The following SEC23A variants were observed in gnomAD, a reference collection of about 807,000 sequenced individuals.
SEC23A encodes SEC23 homolog A, COPII component.
A neutral mutation model predicts 103.7 loss-of-function variants in SEC23A; 56 were observed. That is an observed-to-expected ratio of 0.54 (90% CI 0.44 to 0.67). The LOEUF (loss-of-function observed/expected upper bound fraction) is 0.67, where lower values mean the gene tolerates loss of function less well. Among genes scored for constraint, SEC23A ranks in the 30% least tolerant of loss-of-function variants. The probability of loss-of-function intolerance (pLI) is 0.00; values close to 1 mark genes in which losing one functional copy is unlikely to be tolerated. For synonymous variants in SEC23A, 281 were observed against 293.0 expected (o/e 0.96, Z 0.42); for missense variants, 784 against 936.4 (o/e 0.84, Z 2.12).
At chr14:39,101,483 T>C (rs914255893) in intron 1 of SEC23A, among the ~76,000 whole-genome samples, 1 of 151,900 alleles carries the variant, frequency 6.6e-6, no homozygotes, top group Non-Finnish European at 1.5e-5. Flanking sequence ...CCAGGCATGG[T>C]GGCGGTCGCC....
chr14:39,077,574 T>TAGAGAG (rs900437666), intron 7 of SEC23A, among the ~76,000 whole-genome samples: 1 of 147,138 alleles, frequency 6.8e-6, no homozygotes, highest in African/African-American at 2.5e-5. Context: ...GAGACAAAGA[T>TAGAGAG]AGAGAGAGAG....
chr14:39,059,541 A>G (rs1886397063), intron 13 of SEC23A, among the ~76,000 whole-genome samples: 1 of 152,166 alleles, frequency 6.6e-6, no homozygotes, highest in South Asian at 2.1e-4. Context: ...CATTTTAAAA[A>G]TATTTCAAAC....
chr14:39,094,053 G>A (rs1292838901), intron 2 of SEC23A, among the ~76,000 whole-genome samples: 1 of 151,152 alleles, frequency 6.6e-6, no homozygotes, highest in African/African-American at 2.4e-5. Flanking sequence ...ACAGGGTCTC[G>A]TTCTATTGCC....
rs1566515087 is a variant in SEC23A, at chr14:39,094,424, ATATATATATATATATATATTTT to A, written c.222-1202_222-1181del. Among the ~76,000 whole-genome samples, 4 of 58,596 alleles carry A rather than the reference ATATATATATATATATATATTTT, an allele frequency of 6.8e-5. 1 individual carries two copies. The highest frequency in any genetic ancestry group is 5.1e-4 in the African/African-American group (4 of 7,850). The allele number at this position is 58,596 out of a possible 152,430, so 38.4% of individuals were successfully genotyped here. ...TATATATATATATATATATATATAT[ATATATATATATATATATATTTT>A]TTTTTTTTTTTTTTCCCCTCCTGTA... is the stretch of plus-strand genomic sequence containing the variant. On this transcript the variant is annotated intron_variant, in intron 2 of 19. Coordinates refer to ENST00000307712, the MANE Select transcript of SEC23A (RefSeq NM_006364.4).
At chr14:39,089,206 T>C (rs1887575179) in intron 5 of SEC23A, among the ~76,000 whole-genome samples, 1 of 151,454 alleles carries the variant, frequency 6.6e-6, no homozygotes, top group Non-Finnish European at 1.5e-5. Flanking sequence ...AGATGTTTTA[T>C]GTGCTTCATA....
At chr14:39,090,121 T>C (rs1887605248) in intron 5 of SEC23A, among the ~76,000 whole-genome samples, 1 of 152,162 alleles carries the variant, frequency 6.6e-6, no homozygotes, top group Non-Finnish European at 1.5e-5. Flanking sequence ...CTGCCAAGTT[T>C]CAAATTAGAC....
intron 9 of SEC23A, among the ~76,000 whole-genome samples, chr14:39,072,064 T>C (rs1886857900): frequency 6.6e-6 from 1 of 151,932 alleles, no homozygotes; most frequent in Non-Finnish European, 1.5e-5. Context: ...TGAAACCCTG[T>C]CTCTACTAAA....
At chr14:39,098,815 A>G (rs1259291108) in intron 1 of SEC23A, among the ~76,000 whole-genome samples, 3 of 151,756 alleles carry the variant, frequency 2.0e-5, no homozygotes, top group Non-Finnish European at 4.4e-5. Context: ...AAATCAGAAC[A>G]GGGATGACTA....
intron 16 of SEC23A, among the ~76,000 whole-genome samples, chr14:39,044,798 A>C (rs1566482512): frequency 6.6e-6 from 1 of 152,224 alleles, no homozygotes; most frequent in Non-Finnish European, 1.5e-5. Flanking sequence ...ACAGACACTA[A>C]ACTCTGGAAT....
chr14:39,072,457 A>G (rs947899934), intron 9 of SEC23A, among the ~76,000 whole-genome samples: 1 of 152,140 alleles, frequency 6.6e-6, no homozygotes, highest in Non-Finnish European at 1.5e-5. Flanking sequence ...TCTTCAGGGA[A>G]ATGCAAATGA....
intron 8 of SEC23A, 86 bp from the exon 9 acceptor site, chr14:39,074,616 C>A: frequency 1.7e-6 from 1 of 595,600 alleles, no homozygotes; most frequent in Non-Finnish European, 2.9e-6. Context: ...GATCTAAGGA[C>A]TAAAAGAGTA....
chr14:39,061,775 T>C lies in SEC23A; in HGVS notation c.1495A>G (p.Ile499Val), dbSNP rs767175510. ...ACAAATACAACTTACTTCCTAGCAA[T>C]GGTGGTCACTCGGATGCGTCTCTGC... ...SGQRRIRVTT[I>V]ARNWADAQTQ... The change falls in exon 13 of 20, where the codon ATT (isoleucine) becomes GTT (valine). Residue 499 changes from isoleucine to valine, a missense_variant. By Grantham distance (29) the Ile-to-Val change is conservative. Around this residue, in one of 2 missense-constraint regions of SEC23A, gnomAD observed 683 missense variants for 774.2 expected, o/e 0.88. Transcript: ENST00000307712. The C allele has an allele frequency of 1.2e-6, 2 of 1,607,870 alleles. No individual in the cohort carries two copies. Among genetic ancestry groups the C allele is most frequent in the Non-Finnish European group, 1.7e-6 (2 of 1,174,412 alleles).
In SEC23A at chr14:39,094,032, T is replaced by G. The variant is rs114880583; in HGVS notation, c.222-788A>C. ...CACAAACAAGAAAATACTTTTGGTG[T>G]TTTTTTTGAGACAGGGTCTCGTTCT... On this transcript the variant is annotated intron_variant, in intron 2 of 19. Transcript: ENST00000307712. Among the ~76,000 whole-genome samples, 914 of 150,562 alleles carry G rather than the reference T, an allele frequency of 6.1e-3. 8 individuals are homozygous for G. Among genetic ancestry groups the G allele is most frequent in the African/African-American group, 0.021 (863 of 41,078 alleles).
chr14:39,099,123 A>G (rs1887992514), intron 1 of SEC23A, among the ~76,000 whole-genome samples: 1 of 146,482 alleles, frequency 6.8e-6, no homozygotes, highest in Non-Finnish European at 1.5e-5. Flanking sequence ...TAAAAATTTG[A>G]GCTTTCAAGC....
chr14:39,093,280 T>C (rs1887726386), intron 2 of SEC23A, 36 bp from the exon 3 acceptor site: 3 of 1,531,496 alleles, frequency 2.0e-6, no homozygotes, highest in Non-Finnish European at 9.0e-7. Context: ...TATCAGTTCA[T>C]ATTTCAGTTC....
intron 6 of SEC23A, among the ~76,000 whole-genome samples, chr14:39,086,459 A>G (rs762387641): frequency 1.3e-5 from 2 of 152,006 alleles, no homozygotes; most frequent in Non-Finnish European, 2.9e-5. Context: ...CCGTCTCTAC[A>G]AAAAATACAA....
intron 2 of SEC23A, 72 bp downstream of exon 2, chr14:39,095,826 A>T (rs1887866500): frequency 2.5e-6 from 3 of 1,188,264 alleles, no homozygotes; most frequent in Non-Finnish European, 3.7e-6. Flanking sequence ...GGATTTTTAT[A>T]AAAATATGCA....
chr14:39,079,640 G>A (rs1887152193), intron 7 of SEC23A, among the ~76,000 whole-genome samples: 1 of 152,052 alleles, frequency 6.6e-6, no homozygotes, highest in Non-Finnish European at 1.5e-5. Context: ...GCTAAGCATG[G>A]TGAAACCCTG....
Position 39,076,281 on chromosome 14 carries a change from T to C in SEC23A, c.829-188A>G, listed in dbSNP as rs75562112. On this transcript the variant is annotated intron_variant, in intron 7 of 19. Coordinates refer to ENST00000307712, the MANE Select transcript of SEC23A (RefSeq NM_006364.4). The stretch of plus-strand genomic sequence containing the variant: ...AACTTTCTTTTAAAATCCTATGGTA[T>C]ATAGTAGCACATTCCTAATTCTAAA... 0.014 allele frequency among the ~76,000 whole-genome samples: 2,132 copies of C among 152,252 alleles called. 58 individuals are homozygous for C. The highest frequency in any genetic ancestry group is 0.048 in the African/African-American group (1,981 of 41,538).
Sources: allele counts gnomAD v4.1 joint callset (sites outside exome capture counted in the v4.1 genomes callset), GRCh38; gene constraint gnomAD v4.1.1; regional missense constraint gnomAD v4.1.1; transcripts MANE v1.5; gene names NCBI Gene and HGNC (gene_info 2026-07-23, HGNC 2026-07-21).